The following ADCK1 variants were observed in gnomAD, a reference collection of about 807,000 sequenced individuals.
The protein encoded by ADCK1 is aarF domain-containing protein kinase 1.
A neutral mutation model predicts 52.3 loss-of-function variants in ADCK1; 41 were observed. That is an observed-to-expected ratio of 0.78 (90% CI 0.61 to 1.02). The LOEUF is 1.02. Among genes scored for constraint, ADCK1 ranks in the 50% least tolerant of loss-of-function variants. The pLI, the probability that ADCK1 is intolerant of heterozygous loss-of-function variation, is 0.00. For missense variants in ADCK1, 658 were observed against 679.5 expected (o/e 0.97, Z 0.35); for synonymous variants, 250 against 274.6 (o/e 0.91, Z 0.89).
chr14:77,933,343 T>C lies in ADCK1; in HGVS notation c.1524T>C (p.Ala508=). ...TGCGTGTGAAGGGGTTGAAGCTGGCTGACCGGGTCTTGGCCCTAATATGCT... is the reference window on the plus strand; with the variant it reads ...TGCGTGTGAAGGGGTTGAAGCTGGCCGACCGGGTCTTGGCCCTAATATGCT... ...LILRVKGLKL[A]DRVLALICWL... is the part of the protein sequence containing the mutation. Residue 508 remains alanine, a synonymous_variant, in exon 11 of 11, where the codon GCT becomes GCC. Transcript: ENST00000238561. 1.2e-6 allele frequency: 2 copies of C among 1,614,198 alleles called. No homozygotes were observed. Among genetic ancestry groups the C allele is most frequent in the African/African-American group, 2.7e-5 (2 of 75,042 alleles).
chr14:77,926,843 G>A (rs2084208673), intron 9 of ADCK1, among the ~76,000 whole-genome samples: 1 of 152,156 alleles, frequency 6.6e-6, no homozygotes, highest in Admixed American at 6.5e-5. Context: ...AAGCTTATGG[G>A]GGCGAGCTCA....
chr14:77,854,289 G>A (rs746855367), intron 3 of ADCK1, among the ~76,000 whole-genome samples: 3 of 152,136 alleles, frequency 2.0e-5, no homozygotes, highest in African/African-American at 4.8e-5. Context: ...ATGTTAGAGA[G>A]GCAGTTGTAA....
At chr14:77,903,792 G>GTGCA (rs1385824681) in intron 6 of ADCK1, among the ~76,000 whole-genome samples, 1 of 152,190 alleles carries the variant, frequency 6.6e-6, no homozygotes, top group Non-Finnish European at 1.5e-5. Context: ...CTGAGGAGAT[G>GTGCA]TGCATGCTTT....
chr14:77,822,440 T>C lies in ADCK1; in HGVS notation c.141T>C (p.Ala47=), dbSNP rs779276715. 2 of 1,613,808 alleles carry C rather than the reference T, an allele frequency of 1.2e-6. No homozygotes were observed. Among genetic ancestry groups the C allele is most frequent in the Non-Finnish European group, 1.7e-6 (2 of 1,179,690 alleles). Residue 47 remains alanine, a synonymous_variant, in exon 3 of 11, where the codon GCT becomes GCC. Coordinates refer to ENST00000238561, the MANE Select transcript of ADCK1 (RefSeq NM_020421.4). ...TCCACTGCCTTGGTTCACAGACGGC[T>C]GTCATCAGTTACGACTACCTCACTT... ...VRVGRAVATT[A]VISYDYLTSL...
chr14:77,866,098 C>T (rs1354823304), intron 4 of ADCK1, among the ~76,000 whole-genome samples: 1 of 152,142 alleles, frequency 6.6e-6, no homozygotes, highest in Non-Finnish European at 1.5e-5. Flanking sequence ...GTGTGAACAT[C>T]ATAGAGTACT....
chr14:77,914,491 A>G (rs2083870668), intron 7 of ADCK1: 1 of 985,478 alleles, frequency 1.0e-6, no homozygotes, highest in Non-Finnish European at 1.2e-6. Context: ...TCGAGCAGCT[A>G]CCATGTGCAA....
At chr14:77,869,530 A>T (rs998422942) in intron 4 of ADCK1, among the ~76,000 whole-genome samples, 2 of 152,074 alleles carry the variant, frequency 1.3e-5, no homozygotes, top group African/African-American at 4.8e-5. Flanking sequence ...ATCTGCAATG[A>T]CCTCATTTCC....
intron 3 of ADCK1, among the ~76,000 whole-genome samples, chr14:77,855,730 A>T (rs759137287): frequency 9.9e-5 from 15 of 152,140 alleles, no homozygotes; most frequent in Non-Finnish European, 1.9e-4. Flanking sequence ...GACCCTGCCA[A>T]ATTAGGAAAG....
chr14:77,866,533 TG>T (rs2082664955), intron 4 of ADCK1, among the ~76,000 whole-genome samples: 2 of 152,154 alleles, frequency 1.3e-5, no homozygotes, highest in Admixed American at 1.3e-4. Context: ...TAGGGTTAAT[TG>T]CTGCAGTTTC....
chr14:77,875,818 CAG>C (rs2082887223), intron 4 of ADCK1, among the ~76,000 whole-genome samples: 1 of 152,190 alleles, frequency 6.6e-6, no homozygotes, highest in Non-Finnish European at 1.5e-5. Flanking sequence ...AGGAGGGAAA[CAG>C]GGACTGGTTT....
At chr14:77,867,321 C>A (rs1216171111) in intron 4 of ADCK1, among the ~76,000 whole-genome samples, 1 of 152,180 alleles carries the variant, frequency 6.6e-6, no homozygotes, top group African/African-American at 2.4e-5. Flanking sequence ...GGGAATGGAA[C>A]AGAAGGATCT....
rs1028589617 is a variant in ADCK1 at position 77,835,031 on chromosome 14, C to T, written c.219+12513C>T. 2.6e-5 allele frequency among the ~76,000 whole-genome samples: 4 copies of T among 152,154 alleles called. No homozygotes were observed. In the East Asian group the frequency reaches 5.8e-4, roughly 22 times the overall value. On this transcript the variant is annotated intron_variant, in intron 3 of 10. Coordinates refer to ENST00000238561, the MANE Select transcript of ADCK1 (RefSeq NM_020421.4). ...CTGACCCGCCCTGGACTGGGTGCTT[C>T]GGAGCTGTTTCCACCTCTGCTGGAA...
chr14:77,933,438 G>A lies in ADCK1; in HGVS notation c.*47G>A. The stretch of plus-strand genomic sequence containing the variant: ...CATTCTGGTGTCTTTCCACTCCTCA[G>A]CCCCTCATCTTGCCTCCACCCAGCT... On this transcript the variant is annotated 3_prime_UTR_variant, in exon 11 of 11. Transcript: ENST00000238561. 2 of 1,599,708 alleles carry A rather than the reference G, an allele frequency of 1.3e-6. No individual in the cohort carries two copies. The highest frequency in any genetic ancestry group is 1.7e-6 in the Non-Finnish European group (2 of 1,169,226).
At chr14:77,886,940 ACGC>A (rs879760343) in intron 4 of ADCK1, 148 bp from the exon 5 acceptor site, 15,677 of 598,884 alleles carry the variant, frequency 0.026, 132 homozygotes, top group South Asian at 0.027. Flanking sequence ...ACACACACAC[ACGC>A]ACAACACACA....
intron 3 of ADCK1, among the ~76,000 whole-genome samples, chr14:77,831,429 G>T (rs2081847138): frequency 6.6e-6 from 1 of 152,106 alleles, no homozygotes; most frequent in Non-Finnish European, 1.5e-5. Context: ...CTGTAAATTT[G>T]CTATAAGAAC....
intron 3 of ADCK1, among the ~76,000 whole-genome samples, chr14:77,834,799 T>A (rs776663391): frequency 5.2e-4 from 79 of 152,264 alleles, no homozygotes; most frequent in East Asian, 1.7e-3. Context: ...TTCTACAGGG[T>A]AAGTGGAGCA....
At chr14:77,808,794 T>G (rs141965043) in intron 1 of ADCK1, among the ~76,000 whole-genome samples, 1,623 of 152,314 alleles carry the variant, frequency 0.011, 35 homozygotes, top group African/African-American at 0.037. Context: ...CAGGCTTGTC[T>G]TGAACTCCTG....
intron 4 of ADCK1, among the ~76,000 whole-genome samples, chr14:77,884,648 G>A (rs953994314): frequency 6.6e-6 from 1 of 152,306 alleles, no homozygotes. Flanking sequence ...ACCGTGGCCC[G>A]GGTTCACTCC....
At position 77,822,431 on chromosome 14, in the gene ADCK1, A is replaced by C; in HGVS notation, c.136-4A>C. 3 of 1,613,300 alleles carry C rather than the reference A, an allele frequency of 1.9e-6. No individual in the cohort carries two copies. Among genetic ancestry groups the C allele is most frequent in the Non-Finnish European group, 2.5e-6 (3 of 1,179,226 alleles). ...AAGCTTTTCTCCACTGCCTTGGTTC[A>C]CAGACGGCTGTCATCAGTTACGACT... On this transcript the variant is annotated splice_region_variant and splice_polypyrimidine_tract_variant and intron_variant, in intron 2 of 10. Transcript: ENST00000238561.
Sources: allele counts gnomAD v4.1 joint callset (sites outside exome capture counted in the v4.1 genomes callset), GRCh38; gene constraint gnomAD v4.1.1; transcripts MANE v1.5; gene names NCBI Gene and HGNC (gene_info 2026-07-23, HGNC 2026-07-21).